The following FGF12 variants were observed in gnomAD, a reference collection of about 807,000 sequenced individuals.
FGF12 encodes fibroblast growth factor 12B.
FGF12 carries 14 observed loss-of-function variants against 23.6 expected under a neutral mutation model. The observed-to-expected ratio is 0.59, with a 90% CI of 0.39 to 0.93. The LOEUF (loss-of-function observed/expected upper bound fraction) is 0.93. Among genes scored for constraint, FGF12 ranks in the 40% least tolerant of loss-of-function variants. FGF12 has a pLI of 0.00. For missense variants in FGF12, 175 were observed against 217.8 expected, an observed-to-expected ratio of 0.80 and a Z score of 1.24; for synonymous variants, 62 against 77.3, an observed-to-expected ratio of 0.80 and a Z score of 1.04.
At chr3:192,499,518 T>TACA (rs60668503) in intron 2 of FGF12, among the ~76,000 whole-genome samples, 1 of 15,850 alleles carries the variant, frequency 6.3e-5, no homozygotes, top group African/African-American at 2.2e-4. Flanking sequence ...ATATATATAT[T>TACA]TTTTTTTTTT....
intron 3 of FGF12, among the ~76,000 whole-genome samples, chr3:192,335,892 T>G (rs1171267780): frequency 1.3e-5 from 2 of 152,130 alleles, no homozygotes; most frequent in African/African-American, 4.8e-5. Flanking sequence ...AGGCCAAAGC[T>G]TCTTGTTTTT....
At chr3:192,678,418 CT>C (rs1717403884) in intron 2 of FGF12, among the ~76,000 whole-genome samples, 1 of 152,162 alleles carries the variant, frequency 6.6e-6, no homozygotes, top group South Asian at 2.1e-4. Context: ...CAACTCTGAA[CT>C]TTTTTGAAGT....
chr3:192,158,391 CTCTCTCTTTCTT>C (rs1714615917), intron 5 of FGF12, among the ~76,000 whole-genome samples: 1 of 77,048 alleles, frequency 1.3e-5, no homozygotes, highest in Admixed American at 1.3e-4. Context: ...TCTTTTCTTT[CTCTCTCTTTCTT>C]TTTCTTTCTT....
chr3:192,202,852 G>A (rs369497725), intron 4 of FGF12, among the ~76,000 whole-genome samples: 2 of 152,128 alleles, frequency 1.3e-5, no homozygotes, highest in Admixed American at 6.5e-5. Context: ...AGCTCTCTAC[G>A]TGAAGCTGAT....
At chr3:192,379,385 C>A (rs1560092413) in intron 2 of FGF12, among the ~76,000 whole-genome samples, 2 of 149,366 alleles carry the variant, frequency 1.3e-5, no homozygotes, top group South Asian at 4.2e-4. Context: ...AATCCCTACA[C>A]CTTCCACTCA....
chr3:192,366,346 G>C (rs1175378039), intron 2 of FGF12, among the ~76,000 whole-genome samples: 1 of 152,082 alleles, frequency 6.6e-6, no homozygotes, highest in Non-Finnish European at 1.5e-5. Context: ...CCAAACTTTA[G>C]AGAAAGGTTC....
intron 2 of FGF12, among the ~76,000 whole-genome samples, chr3:192,557,603 G>T (rs1417680450): frequency 6.6e-6 from 1 of 151,692 alleles, no homozygotes; most frequent in Non-Finnish European, 1.5e-5. Flanking sequence ...GACAAACAAA[G>T]ACACCAAAAG....
chr3:192,476,328 A>T (rs968926301), intron 2 of FGF12, among the ~76,000 whole-genome samples: 5 of 152,206 alleles, frequency 3.3e-5, no homozygotes, highest in African/African-American at 1.2e-4. Flanking sequence ...TGAAAAAAAA[A>T]TGAAGCCCAG....
chr3:192,509,326 T>G (rs1724403574), intron 2 of FGF12, among the ~76,000 whole-genome samples: 1 of 152,208 alleles, frequency 6.6e-6, no homozygotes, highest in Admixed American at 6.5e-5. Context: ...CACCATAAAC[T>G]ACTTCCCTGA....
At chr3:192,471,963 C>G (rs1723184978) in intron 2 of FGF12, among the ~76,000 whole-genome samples, 2 of 151,428 alleles carry the variant, frequency 1.3e-5, no homozygotes. Flanking sequence ...CCTGCACATG[C>G]TGATTAAAAC....
At chr3:192,502,273 T>C (rs750182177) in intron 2 of FGF12, among the ~76,000 whole-genome samples, 2 of 152,256 alleles carry the variant, frequency 1.3e-5, no homozygotes, top group African/African-American at 2.4e-5. Flanking sequence ...GTAATTTACA[T>C]TGGGTATATT....
intron 2 of FGF12, among the ~76,000 whole-genome samples, chr3:192,625,170 G>T (rs1235374693): frequency 6.6e-6 from 1 of 152,014 alleles, no homozygotes; most frequent in East Asian, 1.9e-4. Context: ...CATGTCCCAG[G>T]ATATCTGAGG....
At chr3:192,262,492 T>C (rs974596449) in intron 4 of FGF12, among the ~76,000 whole-genome samples, 3 of 152,132 alleles carry the variant, frequency 2.0e-5, no homozygotes, top group African/African-American at 7.2e-5. Context: ...TGGTCAACAA[T>C]GTACTACATA....
In FGF12 at chr3:192,498,577, C is replaced by T. The variant is rs149442256; in HGVS notation, c.14-138039G>A. ...TCAGTCTGGATATTGGAGTCCATTA[C>T]CACACACTTTGTAAGAGTCTAGTTA... On this transcript the variant is annotated intron_variant, in intron 2 of 5. Transcript: ENST00000445105. Among the ~76,000 whole-genome samples the T allele has an allele frequency of 2.4e-3, 360 of 150,836 alleles. 3 individuals are homozygous for T. Among genetic ancestry groups the T allele is most frequent in the African/African-American group, 8.6e-3 (351 of 40,594 alleles).
intron 2 of FGF12, among the ~76,000 whole-genome samples, chr3:192,687,402 A>G (rs1473177791): frequency 6.6e-6 from 1 of 152,042 alleles, no homozygotes; most frequent in Non-Finnish European, 1.5e-5. Context: ...AATGACCACA[A>G]ATGGGTTAAG....
rs1230362244 is a variant in FGF12, at chr3:192,727,177, A to G, written c.13+4T>C. 6.3e-7 allele frequency: 1 copy of G among 1,579,664 alleles called. No homozygotes were observed. Among genetic ancestry groups the G allele is most frequent in the South Asian group, 1.2e-5 (1 of 85,562 alleles). ...GAAGTCCCCCGATAGGGACAACCAC[A>G]TACCTTTGCTCTCCATTTCGGTCCC... On this transcript the variant is annotated splice_donor_region_variant and intron_variant, in intron 2 of 5. Transcript: ENST00000445105.
intron 4 of FGF12, among the ~76,000 whole-genome samples, chr3:192,206,162 A>C (rs1717640169): frequency 6.6e-6 from 1 of 152,212 alleles, no homozygotes. Flanking sequence ...ATGTGCCTTT[A>C]TAAGGAGATC....
chr3:192,261,997 C>T (rs1407700572), intron 4 of FGF12, among the ~76,000 whole-genome samples: 2 of 152,078 alleles, frequency 1.3e-5, no homozygotes, highest in Admixed American at 6.6e-5. Context: ...CCTTAGTACT[C>T]GAAGAATTAG....
At chr3:192,439,084 T>C (rs1015873926) in intron 2 of FGF12, among the ~76,000 whole-genome samples, 8 of 152,222 alleles carry the variant, frequency 5.3e-5, no homozygotes, top group Admixed American at 5.2e-4. Flanking sequence ...ACTGCCTTTT[T>C]CACATTCTTA....
Sources: allele counts gnomAD v4.1 joint callset (sites outside exome capture counted in the v4.1 genomes callset), GRCh38; gene constraint gnomAD v4.1.1; transcripts MANE v1.5; gene names NCBI Gene and HGNC (gene_info 2026-07-23, HGNC 2026-07-21).